Variants in STAT3 observed in about 807,000 individuals in gnomAD.
STAT3 encodes signal transducer and activator of transcription 3.
STAT3 carries 7 observed loss-of-function variants against 114.3 expected under a neutral mutation model. That is an observed-to-expected ratio of 0.06 (90% CI 0.03 to 0.11). The LOEUF is 0.11. STAT3 is among the 10% of genes least tolerant of loss of function. The pLI is 1.00. For synonymous variants in STAT3, 331 were observed against 354.5 expected (o/e 0.93, Z 0.74); for missense variants, 364 against 960.9 (o/e 0.38, Z 8.21).
chr17:42,339,471 C>G (rs1174458359), intron 4 of STAT3, 62 bp from the exon 5 acceptor site: 1 of 1,539,674 alleles, frequency 6.5e-7, no homozygotes, highest in East Asian at 2.3e-5. Context: ...AATACCTCTA[C>G]CCAGCTTCCA....
chr17:42,332,311 A>G (rs978296141), intron 10 of STAT3, among the ~76,000 whole-genome samples: 5 of 149,698 alleles, frequency 3.3e-5, no homozygotes, highest in African/African-American at 7.3e-5. Context: ...AGGCCAAGGC[A>G]GGTGGATCAC....
chr17:42,315,580 A>T lies in STAT3; in HGVS notation c.*165T>A. 1 of 702,546 alleles carries T rather than the reference A, an allele frequency of 1.4e-6. No homozygotes were observed. Among genetic ancestry groups the T allele is most frequent in the Non-Finnish European group, 2.5e-6 (1 of 397,268 alleles). The allele number at this position is 702,546 out of a possible 1,614,324, so 43.5% of individuals were successfully genotyped here. A position where few individuals can be genotyped will look rare whatever the true frequency, so the allele number is the denominator to read the frequency against. Reference sequence around the variant, plus strand: ...CACATTCACTCATTTCTCTATTTTTAAAAGTGCCCAGATTGCTCAAAGATA... The same window carrying T: ...CACATTCACTCATTTCTCTATTTTTTAAAGTGCCCAGATTGCTCAAAGATA... On this transcript the variant is annotated 3_prime_UTR_variant, in exon 24 of 24. Transcript: ENST00000264657.
At chr17:42,379,723 T>C (rs1258852430) in intron 1 of STAT3, among the ~76,000 whole-genome samples, 3 of 152,206 alleles carry the variant, frequency 2.0e-5, no homozygotes, top group African/African-American at 7.2e-5. Flanking sequence ...TTTAATGTGT[T>C]AAATATTACT....
intron 21 of STAT3, 94 bp from the exon 22 acceptor site, chr17:42,317,318 G>T: frequency 1.4e-6 from 2 of 1,396,588 alleles, no homozygotes; most frequent in South Asian, 1.2e-5. Context: ...GGACTGATTT[G>T]AAACTCACTC....
chr17:42,315,744 C>T lies in STAT3; in HGVS notation c.*1G>A, dbSNP rs2081221135. ...TTTCTGCAGCTTCCGTTCTCAGCTCCTCACATGGGGGAGGTAGCGCACTCC... is the reference window on the plus strand; with the variant it reads ...TTTCTGCAGCTTCCGTTCTCAGCTCTTCACATGGGGGAGGTAGCGCACTCC... On this transcript the variant is annotated 3_prime_UTR_variant, in exon 24 of 24. Coordinates refer to ENST00000264657, the MANE Select transcript of STAT3 (RefSeq NM_139276.3). 6.2e-7 allele frequency: 1 copy of T among 1,614,042 alleles called. No individual in the cohort carries two copies. The highest frequency in any genetic ancestry group is 8.5e-7 in the Non-Finnish European group (1 of 1,179,982).
intron 1 of STAT3, among the ~76,000 whole-genome samples, chr17:42,366,021 T>C (rs981868525): frequency 2.0e-5 from 3 of 152,142 alleles, no homozygotes; most frequent in African/African-American, 7.2e-5. Flanking sequence ...TCAGCCCCAC[T>C]TTCTTTCAAA....
At chr17:42,370,595 T>C (rs962906929) in intron 1 of STAT3, among the ~76,000 whole-genome samples, 2 of 150,972 alleles carry the variant, frequency 1.3e-5, no homozygotes, top group African/African-American at 4.9e-5. Flanking sequence ...GATTGTTTGG[T>C]TTTTGCTTCT....
intron 1 of STAT3, among the ~76,000 whole-genome samples, chr17:42,376,187 T>C (rs1248423394): frequency 6.6e-6 from 1 of 151,140 alleles, no homozygotes; most frequent in African/African-American, 2.4e-5. Flanking sequence ...ATAAACCAAC[T>C]GGGATACTGG....
At chr17:42,356,808 G>C (rs1239104857) in intron 1 of STAT3, among the ~76,000 whole-genome samples, 3 of 151,452 alleles carry the variant, frequency 2.0e-5, no homozygotes, top group Non-Finnish European at 4.4e-5. Flanking sequence ...TGTTGTTTGA[G>C]ACAGAATCTC....
Position 42,324,446 on chromosome 17 carries a change from G to A in STAT3, c.1600+265C>T, listed in dbSNP as rs2081615863. On this transcript the variant is annotated intron_variant, in intron 17 of 23. Coordinates refer to ENST00000264657, the MANE Select transcript of STAT3 (RefSeq NM_139276.3). This position sits in a 1 kb window ranked among gnomAD's most constrained non-coding sequence, Gnocchi z 4.5. ...ACACACACTTAAAAGATCTTCTAAA[G>A]TTAGATAGAGTGGGTGAATGAGACA... Among the ~76,000 whole-genome samples the A allele has an allele frequency of 2.6e-5, 4 of 152,274 alleles. No individual in the cohort carries two copies. In the South Asian group the frequency reaches 8.3e-4, roughly 32 times the overall value.
chr17:42,380,912 C>G (rs1480095429), intron 1 of STAT3, among the ~76,000 whole-genome samples: 6 of 152,088 alleles, frequency 3.9e-5, no homozygotes, highest in Admixed American at 6.6e-5. Flanking sequence ...GAACCTGTCT[C>G]AAAAAATAAA....
At position 42,361,539 on chromosome 17, in the gene STAT3, A is replaced by G. The variant is rs186114918; in HGVS notation, c.-23-13000T>C. Among the ~76,000 whole-genome samples the G allele has an allele frequency of 2.1e-4, 32 of 152,038 alleles. No individual in the cohort carries two copies. The East Asian group carries it at 5.0e-3, about 24-fold the overall frequency. ...AAGTGAGGCCAAAGAATAATAATAAATTTTTTCGTGATCATTAATAAATAT... is the reference window on the plus strand; with the variant it reads ...AAGTGAGGCCAAAGAATAATAATAAGTTTTTTCGTGATCATTAATAAATAT... On this transcript the variant is annotated intron_variant, in intron 1 of 23. Coordinates refer to ENST00000264657, the MANE Select transcript of STAT3 (RefSeq NM_139276.3).
intron 1 of STAT3, among the ~76,000 whole-genome samples, chr17:42,375,756 G>C (rs1181852848): frequency 6.6e-6 from 1 of 151,732 alleles, no homozygotes; most frequent in East Asian, 1.9e-4. Context: ...TTGAATTCGG[G>C]AGGCGGAGGT....
At chr17:42,317,631 G>A in intron 21 of STAT3, 1 of 275,228 alleles carries the variant, frequency 3.6e-6, no homozygotes, top group South Asian at 4.4e-5. Flanking sequence ...AACCGAGCCT[G>A]TGTAGTCTTT....
Position 42,324,866 on chromosome 17 carries a change from T to G in STAT3, c.1465-20A>C, listed in dbSNP as rs748596438. ...TACATTCTATTGGAAAGAACACATT[T>G]GCTTGTTTAGATGAGGGATGGTGCT... On this transcript the variant is annotated intron_variant, in intron 16 of 23. Coordinates refer to ENST00000264657, the MANE Select transcript of STAT3 (RefSeq NM_139276.3). The surrounding 1 kb of genome is among the most constrained non-coding windows in gnomAD (Gnocchi z 4.5). 5 of 1,614,036 alleles carry G rather than the reference T, an allele frequency of 3.1e-6. No individual in the cohort carries two copies. The Admixed American group carries it at 6.7e-5, about 22-fold the overall frequency.
chr17:42,358,201 A>T (rs1287039904), intron 1 of STAT3, among the ~76,000 whole-genome samples: 1 of 152,106 alleles, frequency 6.6e-6, no homozygotes, highest in South Asian at 2.1e-4. Context: ...GGATTGCTTG[A>T]GCTCAGGAGT....
intron 10 of STAT3, among the ~76,000 whole-genome samples, chr17:42,332,361 A>C (rs1186281471): frequency 1.3e-5 from 2 of 150,094 alleles, no homozygotes; most frequent in Non-Finnish European, 3.0e-5. Context: ...AAGATGGTGA[A>C]ACCCCGTCTC....
intron 1 of STAT3, among the ~76,000 whole-genome samples, chr17:42,363,883 C>T (rs1365089085): frequency 6.6e-6 from 1 of 151,980 alleles, no homozygotes; most frequent in Non-Finnish European, 1.5e-5. Context: ...TGGCGTTATC[C>T]ATCCCTTTCT....
intron 1 of STAT3, among the ~76,000 whole-genome samples, chr17:42,375,261 C>G (rs2084386880): frequency 6.6e-6 from 1 of 152,142 alleles, no homozygotes; most frequent in South Asian, 2.1e-4. Flanking sequence ...GTGGACATGA[C>G]TTCACTAATC....
Sources: allele counts gnomAD v4.1 joint callset (sites outside exome capture counted in the v4.1 genomes callset), GRCh38; gene constraint gnomAD v4.1.1; non-coding constraint Gnocchi (gnomAD v3.1); transcripts MANE v1.5; gene names NCBI Gene and HGNC (gene_info 2026-07-23, HGNC 2026-07-21).